Variants in RAPGEF5 observed in about 807,000 individuals in gnomAD.
RAPGEF5 encodes the protein M-Ras-regulated GEF.
Under a neutral mutation model 125.2 loss-of-function variants are expected in RAPGEF5, and 65 were observed. The observed-to-expected ratio is 0.52, with a 90% confidence interval of 0.43 to 0.64. RAPGEF5 has a LOEUF of 0.64. Among genes scored for constraint, RAPGEF5 ranks in the 30% least tolerant of loss-of-function variants. The probability of loss-of-function intolerance (pLI) is 0.00; values close to 1 mark genes in which losing one functional copy is unlikely to be tolerated. For missense variants in RAPGEF5, 958 were observed against 1,048.1 expected (o/e 0.91, Z 1.19); for synonymous variants, 391 against 385.9 (o/e 1.01, Z -0.16).
At chr7:22,275,598 T>C (rs1049462539) in intron 6 of RAPGEF5, among the ~76,000 whole-genome samples, 17 of 152,168 alleles carry the variant, frequency 1.1e-4, no homozygotes, top group Non-Finnish European at 1.8e-4. Context: ...ATGCTTTACA[T>C]GGGAAGGTAT....
Position 22,146,004 on chromosome 7 carries a change from T to C in RAPGEF5, c.2008-782A>G, listed in dbSNP as rs146957165. Among the ~76,000 whole-genome samples the C allele has an allele frequency of 5.1e-3, 776 of 151,842 alleles. 7 individuals carry two copies. The highest frequency in any genetic ancestry group is 0.018 in the African/African-American group (746 of 41,338). The stretch of plus-strand genomic sequence containing the variant: ...TGTGTGTGTGTGTGTGTGTGTTTTA[T>C]AGAGGTAATCTACATTCTTCCACTG... On this transcript the variant is annotated intron_variant, in intron 19 of 25. Transcript: ENST00000665637.
At chr7:22,193,507 C>T (rs1785062710) in intron 10 of RAPGEF5, 52 bp from the exon 11 acceptor site, 2 of 1,556,422 alleles carry the variant, frequency 1.3e-6, no homozygotes, top group Non-Finnish European at 1.7e-6. Flanking sequence ...AGACTGCGAG[C>T]GGCTGCTCCA....
chr7:22,170,045 A>G (rs1784303185), intron 11 of RAPGEF5, among the ~76,000 whole-genome samples: 1 of 150,302 alleles, frequency 6.7e-6, no homozygotes, highest in Admixed American at 6.6e-5. Context: ...TCTTTTTTGC[A>G]CTCAATATTA....
At chr7:22,331,080 G>C (rs1299112788) in intron 1 of RAPGEF5, among the ~76,000 whole-genome samples, 1 of 152,082 alleles carries the variant, frequency 6.6e-6, no homozygotes, top group South Asian at 2.1e-4. Context: ...TCTCCAGTTC[G>C]ACACCAGAGA....
chr7:22,253,652 A>G (rs1786678212), intron 7 of RAPGEF5, among the ~76,000 whole-genome samples: 1 of 152,222 alleles, frequency 6.6e-6, no homozygotes, highest in South Asian at 2.1e-4. Flanking sequence ...TCAAAATAAT[A>G]TCTCTATAGC....
At chr7:22,289,627 G>T (rs1472465641) in intron 6 of RAPGEF5, among the ~76,000 whole-genome samples, 1 of 142,254 alleles carries the variant, frequency 7.0e-6, no homozygotes, top group Non-Finnish European at 1.5e-5. Context: ...AAACCGAAAA[G>T]TTCTAAATAT....
chr7:22,125,272 T>G, intron 25 of RAPGEF5: 1 of 229,336 alleles, frequency 4.4e-6, no homozygotes, highest in Non-Finnish European at 8.7e-6. Context: ...CACCAGTGAT[T>G]TTGAGCCAAT....
At chr7:22,235,685 T>A (rs1191356076) in intron 7 of RAPGEF5, among the ~76,000 whole-genome samples, 1 of 152,162 alleles carries the variant, frequency 6.6e-6, no homozygotes, top group East Asian at 1.9e-4. Context: ...GCCCAGTTCT[T>A]CATTATCTAA....
chr7:22,207,929 C>G (rs564445551), intron 9 of RAPGEF5, among the ~76,000 whole-genome samples: 44 of 152,300 alleles, frequency 2.9e-4, no homozygotes, highest in African/African-American at 9.1e-4. Context: ...AAATGCCTTA[C>G]AGGAATGTGA....
At chr7:22,125,708 T>C (rs989835010) in intron 24 of RAPGEF5, 50 bp from the exon 25 acceptor site, 1 of 1,524,324 alleles carries the variant, frequency 6.6e-7, no homozygotes, top group African/African-American at 1.4e-5. Flanking sequence ...TTGAGGGTGT[T>C]ACTGAAGAAG....
In RAPGEF5 at chr7:22,173,427, T is replaced by C. The variant is rs17146350; in HGVS notation, c.1205-6279A>G. On this transcript the variant is annotated intron_variant, in intron 11 of 25. Transcript: ENST00000665637. ...AGCGTTTTCTTTAGCCATTCTAACATAACCAAATCTTGAGATCTAGCTTTA... is the reference window on the plus strand; with the variant it reads ...AGCGTTTTCTTTAGCCATTCTAACACAACCAAATCTTGAGATCTAGCTTTA... Among the ~76,000 whole-genome samples the C allele has an allele frequency of 4.8e-3, 725 of 152,340 alleles. 10 individuals carry two copies. The highest frequency in any genetic ancestry group is 0.017 in the African/African-American group (705 of 41,574).
At chr7:22,338,803 T>C (rs1371299144) in intron 1 of RAPGEF5, among the ~76,000 whole-genome samples, 7 of 152,212 alleles carry the variant, frequency 4.6e-5, no homozygotes, top group Admixed American at 4.6e-4. Flanking sequence ...CACACAGAGC[T>C]GCTGTTACAG....
At chr7:22,281,296 C>T (rs1024376927) in intron 6 of RAPGEF5, among the ~76,000 whole-genome samples, 2 of 152,230 alleles carry the variant, frequency 1.3e-5, no homozygotes, top group South Asian at 4.1e-4. Context: ...ACTGCTACCT[C>T]TGCTTTCCGA....
chr7:22,158,555 G>A (rs1783885384), intron 14 of RAPGEF5, among the ~76,000 whole-genome samples: 1 of 152,138 alleles, frequency 6.6e-6, no homozygotes, highest in Non-Finnish European at 1.5e-5. Flanking sequence ...AAAAAGTCAT[G>A]AGTTTTACAT....
chr7:22,236,715 T>C (rs1562775836), intron 7 of RAPGEF5, among the ~76,000 whole-genome samples: 3 of 152,156 alleles, frequency 2.0e-5, no homozygotes, highest in African/African-American at 7.2e-5. Context: ...CTCCACACAA[T>C]TGCCGGAGTT....
intron 7 of RAPGEF5, among the ~76,000 whole-genome samples, chr7:22,250,255 C>G (rs946273724): frequency 1.3e-5 from 2 of 152,110 alleles, no homozygotes; most frequent in African/African-American, 4.8e-5. Context: ...TTTTTATAAC[C>G]TATCTGAAAA....
intron 25 of RAPGEF5, among the ~76,000 whole-genome samples, chr7:22,124,663 G>GA (rs1782682059): frequency 6.6e-6 from 1 of 152,108 alleles, no homozygotes; most frequent in South Asian, 2.1e-4. Context: ...CTATATTGTT[G>GA]AAAAAATTGT....
At chr7:22,328,386 A>C (rs1198962577) in intron 1 of RAPGEF5, among the ~76,000 whole-genome samples, 1 of 152,224 alleles carries the variant, frequency 6.6e-6, no homozygotes, top group Non-Finnish European at 1.5e-5. Context: ...GGAACTATTC[A>C]ACTGTTATTA....
intron 5 of RAPGEF5, among the ~76,000 whole-genome samples, chr7:22,291,938 G>C (rs1274277993): frequency 6.6e-6 from 1 of 152,128 alleles, no homozygotes; most frequent in Non-Finnish European, 1.5e-5. Flanking sequence ...TATTCTAACA[G>C]ACAAAATTAT....
Sources: allele counts gnomAD v4.1 joint callset (sites outside exome capture counted in the v4.1 genomes callset), GRCh38; gene constraint gnomAD v4.1.1; transcripts MANE v1.5; gene names NCBI Gene and HGNC (gene_info 2026-07-23, HGNC 2026-07-21).